The following CDH18 variants were observed in gnomAD, a reference collection of about 807,000 sequenced individuals.
The protein encoded by CDH18 is cadherin 18.
In CDH18, 31 loss-of-function variants were observed where a neutral mutation model predicts 67.9. That is an observed-to-expected ratio of 0.46 (90% CI 0.34 to 0.62). CDH18 has a LOEUF of 0.62. Ranked by LOEUF, CDH18 falls within the 20% of genes least tolerant of loss-of-function variation. CDH18 has a pLI of 0.01. For synonymous variants in CDH18, 362 were observed against 347.2 expected (o/e 1.04, Z -0.48); for missense variants, 890 against 975.5 (o/e 0.91, Z 1.17).
chr5:19,645,672 G>A (rs1424277545), intron 5 of CDH18, among the ~76,000 whole-genome samples: 1 of 152,240 alleles, frequency 6.6e-6, no homozygotes, highest in South Asian at 2.1e-4. Flanking sequence ...TCTGGAATCA[G>A]TGCTGAATAA....
intron 1 of CDH18, among the ~76,000 whole-genome samples, chr5:20,563,107 A>T (rs1292491783): frequency 1.3e-5 from 2 of 151,976 alleles, no homozygotes; most frequent in East Asian, 3.9e-4. Context: ...GTTAATCATT[A>T]CTCTAGGAGT....
At chr5:19,710,597 T>C (rs571853341) in intron 5 of CDH18, among the ~76,000 whole-genome samples, 2 of 152,056 alleles carry the variant, frequency 1.3e-5, no homozygotes, top group South Asian at 4.2e-4. Flanking sequence ...TTTGGAAAAA[T>C]CCTAAACTAG....
At chr5:19,900,888 T>C (rs1318179654) in intron 2 of CDH18, among the ~76,000 whole-genome samples, 8 of 152,126 alleles carry the variant, frequency 5.3e-5, no homozygotes, top group Non-Finnish European at 1.0e-4. Context: ...TTTTTAAAAA[T>C]ATCAGTAAAG....
At chr5:19,652,594 A>C (rs962128826) in intron 5 of CDH18, among the ~76,000 whole-genome samples, 1 of 152,150 alleles carries the variant, frequency 6.6e-6, no homozygotes, top group African/African-American at 2.4e-5. Context: ...CTAATCACAA[A>C]AATCAATGCT....
chr5:19,742,017 A>G (rs1385142925), intron 4 of CDH18, among the ~76,000 whole-genome samples: 1 of 152,192 alleles, frequency 6.6e-6, no homozygotes, highest in Non-Finnish European at 1.5e-5. Flanking sequence ...GGGTGAAATT[A>G]CATTATATAG....
intron 2 of CDH18, among the ~76,000 whole-genome samples, chr5:19,848,927 T>TTA (rs1264990163): frequency 2.0e-5 from 3 of 150,170 alleles, no homozygotes; most frequent in Admixed American, 6.7e-5. Flanking sequence ...ATGGGCTATA[T>TTA]TATATATATG....
At chr5:20,563,601 G>A (rs13189048) in intron 1 of CDH18, among the ~76,000 whole-genome samples, 42,477 of 151,794 alleles carry the variant, frequency 0.28, 6,759 homozygotes, top group Middle Eastern at 0.41. Context: ...ACAAGGTGCA[G>A]GTTTGTTACA....
At chr5:19,518,164 T>A (rs1271692126) in intron 10 of CDH18, among the ~76,000 whole-genome samples, 2 of 152,176 alleles carry the variant, frequency 1.3e-5, no homozygotes, top group East Asian at 1.9e-4. Context: ...TATTTAAGCA[T>A]ATAAAATAAT....
chr5:19,596,096 A>C (rs1746122060), intron 6 of CDH18, among the ~76,000 whole-genome samples: 1 of 152,202 alleles, frequency 6.6e-6, no homozygotes, highest in Non-Finnish European at 1.5e-5. Flanking sequence ...ACATCTCCAA[A>C]AAGAGTATAT....
intron 2 of CDH18, among the ~76,000 whole-genome samples, chr5:19,849,610 ACG>A (rs1265737449): frequency 0.011 from 964 of 88,820 alleles, 78 homozygotes; most frequent in African/African-American, 0.027. Flanking sequence ...ATATATATAC[ACG>A]CATATATATA....
rs545533707 is a variant in CDH18 at position 19,917,252 on chromosome 5, T to C, written c.-257+63808A>G. On this transcript the variant is annotated intron_variant, in intron 2 of 12. Coordinates refer to ENST00000382275, the MANE Select transcript of CDH18 (RefSeq NM_004934.5). ...ATAGTAAACAGAACCCATTTTTCCA[T>C]GTACTTTAACCATTGGGGGATCTTT... Among the ~76,000 whole-genome samples the C allele has an allele frequency of 2.6e-5, 4 of 152,272 alleles. No homozygotes were observed. The South Asian group carries it at 6.2e-4, about 24-fold the overall frequency.
At chr5:19,877,205 AC>A (rs1581753480) in intron 2 of CDH18, among the ~76,000 whole-genome samples, 1 of 152,208 alleles carries the variant, frequency 6.6e-6, no homozygotes, top group Middle Eastern at 3.4e-3. Context: ...TTGGCTAAAA[AC>A]TTTCAAACTG....
At chr5:19,741,693 A>G (rs1769235578) in intron 4 of CDH18, among the ~76,000 whole-genome samples, 1 of 152,164 alleles carries the variant, frequency 6.6e-6, no homozygotes, top group South Asian at 2.1e-4. Context: ...TTATAAATTT[A>G]ACAAATATAT....
chr5:19,822,544 G>A (rs925610565), intron 3 of CDH18, among the ~76,000 whole-genome samples: 3 of 152,126 alleles, frequency 2.0e-5, no homozygotes, highest in Admixed American at 6.6e-5. Context: ...CTGGGCATCC[G>A]GGGCAGACAT....
intron 1 of CDH18, among the ~76,000 whole-genome samples, chr5:20,448,902 T>C (rs1378173765): frequency 6.6e-6 from 1 of 152,074 alleles, no homozygotes; most frequent in Non-Finnish European, 1.5e-5. Context: ...TGTTCTAAAC[T>C]TAGATATCAC....
chr5:20,570,437 C>G (rs187859969), intron 1 of CDH18, among the ~76,000 whole-genome samples: 28 of 152,194 alleles, frequency 1.8e-4, no homozygotes, highest in African/African-American at 6.7e-4. Context: ...ATACATAATG[C>G]CTCACTACTG....
intron 2 of CDH18, among the ~76,000 whole-genome samples, chr5:19,845,360 T>C (rs75207123): frequency 0.029 from 4,383 of 152,264 alleles, 96 homozygotes; most frequent in Non-Finnish European, 0.047. Context: ...CTAACTTCCA[T>C]TGTATTTGGA....
chr5:20,432,247 A>G (rs1748801661), intron 1 of CDH18, among the ~76,000 whole-genome samples: 1 of 152,172 alleles, frequency 6.6e-6, no homozygotes, highest in African/African-American at 2.4e-5. Flanking sequence ...TCTAGCACTT[A>G]ATTTCCCCAA....
Position 19,799,558 on chromosome 5 carries a change from CAT to C in CDH18, c.228+39199_228+39200del, listed in dbSNP as rs199864161. Among the ~76,000 whole-genome samples, 887 of 151,798 alleles carry C rather than the reference CAT, an allele frequency of 5.8e-3. 4 individuals carry two copies. Among genetic ancestry groups the C allele is most frequent in the East Asian group, 0.013 (68 of 5,158 alleles). Reference sequence around the variant, plus strand: ...ATTGTGGTGATGTCATGGGTATAAACATGTGTCTAAATTTATTTAAATGTATA... The same window carrying C: ...ATTGTGGTGATGTCATGGGTATAAACGTGTCTAAATTTATTTAAATGTATA... On this transcript the variant is annotated intron_variant, in intron 3 of 12. Transcript: ENST00000382275.
Sources: allele counts gnomAD v4.1 joint callset (sites outside exome capture counted in the v4.1 genomes callset), GRCh38; gene constraint gnomAD v4.1.1; transcripts MANE v1.5; gene names NCBI Gene and HGNC (gene_info 2026-07-23, HGNC 2026-07-21).